CDH23: variants seen among roughly 807,000 people sequenced by gnomAD.
The protein encoded by CDH23 is cadherin-23.
In CDH23, 189 loss-of-function variants were observed where a neutral mutation model predicts 317.1. That is an observed-to-expected ratio of 0.60 (90% CI 0.53 to 0.67). The LOEUF is 0.67. CDH23 is among the 30% of genes least tolerant of loss of function. The pLI, the probability that CDH23 is intolerant of heterozygous loss-of-function variation, is 0.00. For missense variants in CDH23, 4,401 were observed against 4,592.4 expected, an observed-to-expected ratio of 0.96 and a Z score of 1.20; for synonymous variants, 1,839 against 1,876.8, an observed-to-expected ratio of 0.98 and a Z score of 0.52.
chr10:71,677,808 C>T lies in CDH23; in HGVS notation c.1752+115C>T. 3 of 815,924 alleles carry T rather than the reference C, an allele frequency of 3.7e-6. No homozygotes were observed. The Admixed American group carries it at 6.4e-5, about 17-fold the overall frequency. The allele number at this position is 815,924 out of a possible 1,614,324, so 50.5% of individuals were successfully genotyped here. A position where few individuals can be genotyped will look rare whatever the true frequency, so the allele number is the denominator to read the frequency against. ...ATGAGACAGGTCTCACTCTTTCACC[C>T]AGGCTGGAGTGCAGTGGTACAATCA... On this transcript the variant is annotated intron_variant, in intron 16 of 69. Coordinates refer to ENST00000224721, the MANE Select transcript of CDH23 (RefSeq NM_022124.6).
chr10:71,741,806 G>A lies in CDH23; in HGVS notation c.4730G>A (p.Arg1577His), dbSNP rs771464282. 43 of 1,612,066 alleles carry A rather than the reference G, an allele frequency of 2.7e-5. No homozygotes were observed. The highest frequency in any genetic ancestry group is 8.8e-5 in the South Asian group (8 of 90,676). Reference sequence around the variant, plus strand: ...GAGGGCAACAAGGACATGGCCTTCCGCATGGACCGCATCAGCGGTGAGATC... The same window carrying A: ...GAGGGCAACAAGGACATGGCCTTCCACATGGACCGCATCAGCGGTGAGATC... The part of the protein sequence containing the change: ...ITEGNKDMAF[R>H]MDRISGEIAT... The change falls in exon 38 of 70, where the codon CGC becomes CAC. Residue 1577 changes from arginine to histidine, a missense_variant. Around this residue, in one of 3 missense-constraint regions of CDH23, gnomAD observed 3,068 missense variants for 3,203.3 expected, o/e 0.96. Transcript: ENST00000224721.
intron 9 of CDH23, among the ~76,000 whole-genome samples, chr10:71,582,439 T>G (rs1858705815): frequency 6.6e-6 from 1 of 152,228 alleles, no homozygotes; most frequent in Admixed American, 6.5e-5. Flanking sequence ...CTGGGTGAAA[T>G]ACAACATATT....
chr10:71,691,712 A>G (rs959755855), intron 20 of CDH23, among the ~76,000 whole-genome samples: 21 of 152,184 alleles, frequency 1.4e-4, no homozygotes, highest in Non-Finnish European at 4.4e-5. Flanking sequence ...CCTGGCAGTC[A>G]CATCCAAGTA....
intron 1 of CDH23, among the ~76,000 whole-genome samples, chr10:71,407,778 T>C (rs1464459714): frequency 6.6e-6 from 1 of 152,108 alleles, no homozygotes; most frequent in Non-Finnish European, 1.5e-5. Context: ...GTGAAATAGG[T>C]GTGAATAATG....
intron 9 of CDH23, among the ~76,000 whole-genome samples, chr10:71,609,766 G>A (rs1195683252): frequency 2.0e-5 from 3 of 152,096 alleles, no homozygotes; most frequent in Non-Finnish European, 4.4e-5. Flanking sequence ...AGTGTCTGAC[G>A]AACGTCACCA....
intron 38 of CDH23, among the ~76,000 whole-genome samples, chr10:71,764,983 C>T (rs1028141074): frequency 1.3e-5 from 2 of 152,208 alleles, no homozygotes; most frequent in Non-Finnish European, 2.9e-5. Context: ...TGGTTTTGTC[C>T]GTGCTGGCCT....
chr10:71,536,856 A>C (rs1392694512), intron 6 of CDH23, among the ~76,000 whole-genome samples: 3 of 152,012 alleles, frequency 2.0e-5, no homozygotes, highest in Non-Finnish European at 4.4e-5. Context: ...GGGCCAGGAG[A>C]CCATGGAATA....
intron 22 of CDH23, among the ~76,000 whole-genome samples, chr10:71,695,739 G>A (rs1034890592): frequency 1.3e-5 from 2 of 152,230 alleles, no homozygotes; most frequent in Admixed American, 1.3e-4. Flanking sequence ...AGTGTCAGTA[G>A]GCCTCAGGCT....
chr10:71,680,761 A>AG (rs1864594816), intron 17 of CDH23, among the ~76,000 whole-genome samples: 1 of 145,532 alleles, frequency 6.9e-6, no homozygotes, highest in Admixed American at 6.8e-5. Flanking sequence ...AAAAAAAAAA[A>AG]AAGAAAAAGA....
At chr10:71,607,418 G>A (rs1424358585) in intron 9 of CDH23, among the ~76,000 whole-genome samples, 1 of 152,248 alleles carries the variant, frequency 6.6e-6, no homozygotes, top group Admixed American at 6.5e-5. Flanking sequence ...TTCTTCCTCT[G>A]TAAAATGAGG....
intron 6 of CDH23, among the ~76,000 whole-genome samples, chr10:71,520,756 G>A (rs995409737): frequency 6.6e-6 from 1 of 152,200 alleles, no homozygotes; most frequent in African/African-American, 2.4e-5. Context: ...TGTTTCTGGG[G>A]TCTCTACAGT....
At chr10:71,460,621 G>A (rs1271486957) in intron 3 of CDH23, among the ~76,000 whole-genome samples, 2 of 152,228 alleles carry the variant, frequency 1.3e-5, no homozygotes, top group African/African-American at 4.8e-5. Context: ...AGCGGCGTTT[G>A]TCTCCCACAC....
At chr10:71,532,710 TG>T (rs777341092) in intron 6 of CDH23, among the ~76,000 whole-genome samples, 7,012 of 86,832 alleles carry the variant, frequency 0.081, 210 homozygotes, top group Non-Finnish European at 0.093. Context: ...CTTTTGTTTT[TG>T]TTTTTTTTTT....
intron 32 of CDH23, chr10:71,732,602 C>A: frequency 7.2e-7 from 1 of 1,385,818 alleles, no homozygotes; most frequent in Non-Finnish European, 9.4e-7. Flanking sequence ...CACTGCACTC[C>A]AGCCCGGGCA....
At chr10:71,598,365 A>G (rs1241399298) in intron 9 of CDH23, among the ~76,000 whole-genome samples, 4 of 152,238 alleles carry the variant, frequency 2.6e-5, no homozygotes, top group African/African-American at 4.8e-5. Context: ...CCTCTTTTCT[A>G]TGAGTGCTGA....
rs1167863750 is a variant in CDH23, at chr10:71,812,621, GCGGT to G, written c.9510+14_9510+17del. ...CCACGCGCACCCATGTGAGCCAGAG[GCGGT>G]CAGGCATCACAAGGGGCAGGGGTGG... On this transcript the variant is annotated intron_variant, in intron 67 of 69. Coordinates refer to ENST00000224721, the MANE Select transcript of CDH23 (RefSeq NM_022124.6). The G allele has an allele frequency of 1.2e-6, 2 of 1,613,504 alleles. No individual in the cohort carries two copies. Among genetic ancestry groups the G allele is most frequent in the African/African-American group, 2.7e-5 (2 of 74,694 alleles).
chr10:71,519,574 A>G (rs1050660728), intron 6 of CDH23, among the ~76,000 whole-genome samples: 1 of 152,208 alleles, frequency 6.6e-6, no homozygotes, highest in African/African-American at 2.4e-5. Context: ...CTTCAACTGC[A>G]TTGTGATGGG....
intron 11 of CDH23, among the ~76,000 whole-genome samples, chr10:71,619,312 G>T (rs1861350449): frequency 6.6e-6 from 1 of 151,062 alleles, no homozygotes; most frequent in East Asian, 1.9e-4. Flanking sequence ...TCCACCCTAG[G>T]TGACCCTGTC....
chr10:71,680,255 G>A (rs1442985823), intron 17 of CDH23, among the ~76,000 whole-genome samples: 2 of 152,196 alleles, frequency 1.3e-5, no homozygotes, highest in African/African-American at 4.8e-5. Context: ...CCTCCCTTTG[G>A]CTGTCCAGTG....
Sources: gnomAD v4.1 joint callset for allele counts (sites outside exome capture counted in the v4.1 genomes callset) on GRCh38, gnomAD v4.1.1 for gene constraint, gnomAD v4.1.1 regional missense constraint, MANE v1.5 for transcripts, NCBI Gene and HGNC (gene_info 2026-07-23, HGNC 2026-07-21) for gene names.